The following PDE4DIP variants were observed in gnomAD, a reference collection of about 807,000 sequenced individuals.
The protein encoded by PDE4DIP is phosphodiesterase 4D interacting protein, also known as myomegalin.
Under a neutral mutation model 221.4 loss-of-function variants are expected in PDE4DIP, and 59 were observed. The ratio of observed to expected loss-of-function variants is 0.27; its 90% CI spans 0.22 to 0.33. PDE4DIP has a LOEUF of 0.33. Ranked by LOEUF, PDE4DIP falls within the 10% of genes least tolerant of loss-of-function variation. PDE4DIP has a pLI of 1.00. For missense variants in PDE4DIP, 1,036 were observed against 2,154.2 expected, an observed-to-expected ratio of 0.48 and a Z score of 10.28; for synonymous variants, 404 against 815.9, an observed-to-expected ratio of 0.50 and a Z score of 8.60.
chr1:148,996,144 A>G (rs1575059494), intron 22 of PDE4DIP, among the ~76,000 whole-genome samples: 4 of 152,234 alleles, frequency 2.6e-5, no homozygotes, highest in Admixed American at 2.6e-4. Flanking sequence ...ATTGAAACCA[A>G]TAGAACAAGA....
chr1:149,010,368 C>T, intron 30 of PDE4DIP, 75 bp from the exon 34 acceptor site: 1 of 1,361,846 alleles, frequency 7.3e-7, no homozygotes, highest in Non-Finnish European at 1.0e-6. Flanking sequence ...CCTGGTACCC[C>T]TGGGTAAACA....
At chr1:148,962,808 CCA>C (rs1204897617) in intron 9 of PDE4DIP, among the ~76,000 whole-genome samples, 168 bp downstream of exon 12, 2 of 144,162 alleles carry the variant, frequency 1.4e-5, no homozygotes, top group African/African-American at 2.6e-5. Context: ...CCCTCTTTAT[CCA>C]CAGTTTCACT....
chr1:148,964,010 A>G (rs1168630843), intron 9 of PDE4DIP, among the ~76,000 whole-genome samples: 3 of 151,164 alleles, frequency 2.0e-5, no homozygotes, highest in East Asian at 1.9e-4. Flanking sequence ...CGCCCGCCTC[A>G]GCCTCCCAAA....
chr1:148,970,429 T>G (rs1216674614), intron 14 of PDE4DIP, among the ~76,000 whole-genome samples: 2 of 152,166 alleles, frequency 1.3e-5, no homozygotes, highest in African/African-American at 4.8e-5. Flanking sequence ...AATTATGCAC[T>G]GCTGGTAATA....
At chr1:148,978,597 CA>C (rs1402054767) in intron 19 of PDE4DIP, among the ~76,000 whole-genome samples, 182 bp downstream of exon 22, 1 of 151,698 alleles carries the variant, frequency 6.6e-6, no homozygotes, top group Non-Finnish European at 1.5e-5. Context: ...TGAGTCACCA[CA>C]TTGAGACAAG....
chr1:148,940,808 T>A (rs2050359408), intron 5 of PDE4DIP, among the ~76,000 whole-genome samples: 1 of 151,190 alleles, frequency 6.6e-6, no homozygotes, highest in South Asian at 2.1e-4. Flanking sequence ...GCCCAAGGAC[T>A]GGTAGTGTCT....
chr1:148,919,470 T>C (rs587634328), intron 1 of PDE4DIP, among the ~76,000 whole-genome samples: 1 of 151,398 alleles, frequency 6.6e-6, no homozygotes, highest in African/African-American at 2.5e-5. Flanking sequence ...ACTACTAAAA[T>C]GTATTTCTGG....
chr1:148,948,173 G>A (rs1174412694), intron 5 of PDE4DIP, among the ~76,000 whole-genome samples: 1 of 148,004 alleles, frequency 6.8e-6, no homozygotes, highest in Non-Finnish European at 1.5e-5. Context: ...TGTTCAGGGT[G>A]AACTGTTGAT....
chr1:148,994,506 T>C (rs1268175537), intron 22 of PDE4DIP, among the ~76,000 whole-genome samples: 1 of 149,954 alleles, frequency 6.7e-6, no homozygotes, highest in Admixed American at 6.6e-5. Context: ...TGTGATAAAC[T>C]TGAAAAAAGC....
intron 20 of PDE4DIP, 100 bp from the exon 24 acceptor site, chr1:148,981,170 G>C: frequency 2.9e-6 from 3 of 1,042,930 alleles, no homozygotes; most frequent in Admixed American, 1.9e-5. Context: ...TTACAAAGTC[G>C]TGTGGCTCAA....
At chr1:148,989,296 AAAG>A (rs2062530359) in intron 21 of PDE4DIP, 1 of 728,052 alleles carries the variant, frequency 1.4e-6, no homozygotes, top group Non-Finnish European at 1.8e-6. Flanking sequence ...CTAGCTTAAA[AAAG>A]AGAGAATGAA....
intron 21 of PDE4DIP, chr1:148,986,425 G>A (rs2061914321): frequency 6.6e-6 from 1 of 152,054 alleles, no homozygotes; most frequent in Non-Finnish European, 1.5e-5. Flanking sequence ...TATCTTAGTT[G>A]AAACACAAAA....
chr1:148,960,145 A>T (rs1363872726), intron 5 of PDE4DIP, among the ~76,000 whole-genome samples: 1 of 152,312 alleles, frequency 6.6e-6, no homozygotes, highest in African/African-American at 2.4e-5. Flanking sequence ...TTAGAAAATT[A>T]GACATTGATA....
At chr1:148,920,063 C>G (rs1453046406) in intron 1 of PDE4DIP, among the ~76,000 whole-genome samples, 1 of 148,374 alleles carries the variant, frequency 6.7e-6, no homozygotes, top group Non-Finnish European at 1.5e-5. Flanking sequence ...ACTTTCTTGT[C>G]GACTTTATCA....
intron 32 of PDE4DIP, among the ~76,000 whole-genome samples, chr1:149,014,854 A>G (rs1261536376): frequency 6.6e-6 from 1 of 152,102 alleles, no homozygotes; most frequent in Non-Finnish European, 1.5e-5. Flanking sequence ...TGTACTGTGT[A>G]TTGTGTGGCC....
chr1:148,929,483 A>T lies in PDE4DIP; in HGVS notation c.218+210A>T, dbSNP rs2047368202. ...GATGGACCTTGTCATAAGTTGGTAA[A>T]TCCACCAGACCTAAGACTGCAAACT... On this transcript the variant is annotated intron_variant, in intron 2 of 43. Transcript: ENST00000369354. 51 of 610,546 alleles carry T rather than the reference A, an allele frequency of 8.4e-5. 1 individual carries two copies. The South Asian group carries it at 1.0e-3, about 12-fold the overall frequency. 37.8% of individuals were successfully genotyped at this position (610,546 alleles called of 1,614,324 possible). A position where few individuals can be genotyped will look rare whatever the true frequency, so the allele number is the denominator to read the frequency against.
exon 31 of PDE4DIP, chr1:149,010,500 G>A (rs782582747): frequency 6.2e-7 from 1 of 1,610,834 alleles, no homozygotes; most frequent in African/African-American, 1.3e-5. Context: ...TCATCAACCA[G>A]TGCATCTCAG....
chr1:148,998,788 G>C (rs1482742065), intron 23 of PDE4DIP, among the ~76,000 whole-genome samples: 2 of 150,402 alleles, frequency 1.3e-5, no homozygotes, highest in Non-Finnish European at 3.0e-5. Flanking sequence ...CCAGGCTGGA[G>C]TGCAGTGGCA....
exon 2 of PDE4DIP, chr1:148,929,245 G>A: frequency 1.2e-6 from 2 of 1,613,444 alleles, no homozygotes; most frequent in Non-Finnish European, 1.7e-6. Context: ...AGAACTCCAG[G>A]ACAAGAAACA....
Sources: gnomAD v4.1 joint callset for allele counts (sites outside exome capture counted in the v4.1 genomes callset) on GRCh38, gnomAD v4.1.1 for gene constraint, MANE v1.5 for transcripts, NCBI Gene and HGNC (gene_info 2026-07-23, HGNC 2026-07-21) for gene names.